Variants in MAML3 observed in about 807,000 individuals in gnomAD.
MAML3 encodes mastermind like transcriptional coactivator 3.
In MAML3, 27 loss-of-function variants were observed where a neutral mutation model predicts 101.9. The observed-to-expected ratio is 0.27, with a 90% CI of 0.20 to 0.37. The LOEUF (loss-of-function observed/expected upper bound fraction) is 0.37. Among genes scored for constraint, MAML3 ranks in the 10% least tolerant of loss-of-function variants. The pLI is 1.00. For synonymous variants in MAML3, 501 were observed against 555.9 expected (o/e 0.90, Z 1.39); for missense variants, 1,316 against 1,444.9 (o/e 0.91, Z 1.45).
intron 1 of MAML3, among the ~76,000 whole-genome samples, chr4:139,963,239 C>T (rs996611245): frequency 3.9e-5 from 6 of 152,098 alleles, no homozygotes; most frequent in African/African-American, 1.4e-4. Context: ...GGCAACATAG[C>T]GAGACCCCTT....
intron 1 of MAML3, among the ~76,000 whole-genome samples, chr4:139,995,309 T>C (rs1398515436): frequency 1.3e-5 from 2 of 152,224 alleles, no homozygotes; most frequent in Non-Finnish European, 2.9e-5. Context: ...AATATTTTGT[T>C]AAGGATTTGT....
intron 2 of MAML3, among the ~76,000 whole-genome samples, chr4:139,875,083 G>T (rs145139256): frequency 6.6e-6 from 1 of 152,248 alleles, no homozygotes; most frequent in East Asian, 1.9e-4. Flanking sequence ...GATTACAGGC[G>T]TGAGCCATCA....
At chr4:140,022,401 G>T (rs761634737) in intron 1 of MAML3, among the ~76,000 whole-genome samples, 3 of 152,056 alleles carry the variant, frequency 2.0e-5, no homozygotes, top group Non-Finnish European at 2.9e-5. Flanking sequence ...AAGGGAAATC[G>T]GAAAAAGGAG....
chr4:140,122,398 C>A (rs925640220), intron 1 of MAML3, among the ~76,000 whole-genome samples: 11 of 151,784 alleles, frequency 7.2e-5, no homozygotes, highest in Non-Finnish European at 1.5e-4. Flanking sequence ...CTTTTCATAT[C>A]TTTAATAGAG....
At chr4:139,764,337 T>A (rs1193860670) in intron 2 of MAML3, among the ~76,000 whole-genome samples, 1 of 152,184 alleles carries the variant, frequency 6.6e-6, no homozygotes. Flanking sequence ...AGGTCCCTAC[T>A]TACTCCTGTG....
In MAML3 at chr4:140,010,607, G is replaced by T. The variant is rs185374565; in HGVS notation, c.469-119640C>A. On this transcript the variant is annotated intron_variant, in intron 1 of 4. Coordinates refer to ENST00000509479, the MANE Select transcript of MAML3 (RefSeq NM_018717.5). ...TTGCCCAGTAATACGTTTTTAAGAT[G>T]TCTACTTGAACTTATTTTGTTGAGT... Among the ~76,000 whole-genome samples, 135 of 152,144 alleles carry T rather than the reference G, an allele frequency of 8.9e-4. 1 individual carries two copies. Among genetic ancestry groups the T allele is most frequent in the African/African-American group, 3.2e-3 (133 of 41,510 alleles).
At position 139,719,896 on chromosome 4, in the gene MAML3, C is replaced by T. The variant is rs768269753; in HGVS notation, c.2844G>A (p.Arg948=). The part of the protein sequence containing the change: ...QALPRPQAPP[R]LQSLMGTVQQ... ...GGACTGTTCCCATAAGGCTCTGCAG[C>T]CTTGGAGGGGCTTGGGGCCTAGGCA... Residue 948 remains arginine, a synonymous_variant, in exon 5 of 5, where the codon AGG becomes AGA. Transcript: ENST00000509479. The T allele has an allele frequency of 4.3e-6, 7 of 1,613,882 alleles. No individual in the cohort carries two copies. The highest frequency in any genetic ancestry group is 1.7e-5 in the Admixed American group (1 of 60,012).
At chr4:140,106,660 A>G (rs1004577666) in intron 1 of MAML3, among the ~76,000 whole-genome samples, 17 of 152,254 alleles carry the variant, frequency 1.1e-4, no homozygotes, top group African/African-American at 3.6e-4. Context: ...CAATTTCATC[A>G]CTTTTAATGG....
intron 1 of MAML3, among the ~76,000 whole-genome samples, chr4:140,109,730 C>T (rs569818079): frequency 6.6e-6 from 1 of 152,276 alleles, no homozygotes; most frequent in Admixed American, 6.5e-5. Context: ...TCCCCAATGC[C>T]TCTAACATAT....
chr4:139,829,661 T>C (rs970766138), intron 2 of MAML3, among the ~76,000 whole-genome samples: 2 of 152,222 alleles, frequency 1.3e-5, no homozygotes, highest in Non-Finnish European at 2.9e-5. Flanking sequence ...CAGGAAAGTA[T>C]TAATACCCAA....
chr4:139,906,639 C>G (rs1459879252), intron 1 of MAML3, among the ~76,000 whole-genome samples: 1 of 152,208 alleles, frequency 6.6e-6, no homozygotes, highest in Non-Finnish European at 1.5e-5. Flanking sequence ...TGTCAACTTT[C>G]TGTTCAAATT....
At chr4:140,119,888 A>G (rs1728577254) in intron 1 of MAML3, among the ~76,000 whole-genome samples, 1 of 152,196 alleles carries the variant, frequency 6.6e-6, no homozygotes, top group Non-Finnish European at 1.5e-5. Context: ...ATTAGTAATT[A>G]TTGTGGGCTT....
chr4:139,727,002 G>T (rs571091351), intron 3 of MAML3, among the ~76,000 whole-genome samples: 2 of 152,196 alleles, frequency 1.3e-5, no homozygotes, highest in Non-Finnish European at 2.9e-5. Context: ...CCTTTCATCT[G>T]CAAGGGCTAT....
Position 140,122,220 on chromosome 4 carries a change from C to CTTTTTTTTTTTTTTTTT in MAML3, c.468+30623_468+30639dup, listed in dbSNP as rs369602172. 2.4e-5 allele frequency among the ~76,000 whole-genome samples: 3 copies of CTTTTTTTTTTTTTTTTT among 124,614 alleles called. 1 individual carries two copies. Among genetic ancestry groups the CTTTTTTTTTTTTTTTTT allele is most frequent in the Non-Finnish European group, 4.9e-5 (3 of 61,320 alleles). The allele number at this position is 124,614 out of a possible 152,430, so 81.8% of individuals were successfully genotyped here. A position where few individuals can be genotyped will look rare whatever the true frequency, so the allele number is the denominator to read the frequency against. On this transcript the variant is annotated intron_variant, in intron 1 of 4. Coordinates refer to ENST00000509479, the MANE Select transcript of MAML3 (RefSeq NM_018717.5). ...TTCTCACAGGAATAATCAAACGAGA[C>CTTTTTTTTTTTTTTTTT]TTTTTTTTTTTTTTTTTTTAAACAG...
At chr4:140,105,318 T>C (rs899041816) in intron 1 of MAML3, among the ~76,000 whole-genome samples, 2 of 152,206 alleles carry the variant, frequency 1.3e-5, no homozygotes, top group Admixed American at 6.5e-5. Context: ...TGATACCAGA[T>C]TTACCCAGCG....
At chr4:140,104,408 A>G (rs61131148) in intron 1 of MAML3, among the ~76,000 whole-genome samples, 10 of 54,974 alleles carry the variant, frequency 1.8e-4, no homozygotes, top group South Asian at 4.6e-4. Context: ...TATAATATAT[A>G]ATATAATATA....
At chr4:140,101,121 G>C in intron 1 of MAML3, among the ~76,000 whole-genome samples, 1 of 152,278 alleles carries the variant, frequency 6.6e-6, no homozygotes, top group East Asian at 1.9e-4. Flanking sequence ...AGGGACCAGA[G>C]TCGACGCTAC....
chr4:139,784,022 G>T (rs780130254), intron 2 of MAML3, among the ~76,000 whole-genome samples: 16 of 152,216 alleles, frequency 1.1e-4, no homozygotes, highest in Non-Finnish European at 1.5e-4. Context: ...CTGTGGGGGA[G>T]CCACAGATAT....
At chr4:139,814,060 T>C (rs1335347769) in intron 2 of MAML3, among the ~76,000 whole-genome samples, 1 of 78,416 alleles carries the variant, frequency 1.3e-5, no homozygotes, top group African/African-American at 4.1e-5. Context: ...ACACACAGAA[T>C]GATGATTTCA....
Sources: allele counts gnomAD v4.1 joint callset (sites outside exome capture counted in the v4.1 genomes callset), GRCh38; gene constraint gnomAD v4.1.1; transcripts MANE v1.5; gene names NCBI Gene and HGNC (gene_info 2026-07-23, HGNC 2026-07-21).